Variants in ATRN observed in about 807,000 individuals in gnomAD.
ATRN encodes the protein attractin-2.
In ATRN, 54 loss-of-function variants were observed where a neutral mutation model predicts 178.7. The observed-to-expected ratio is 0.30, with a 90% CI of 0.24 to 0.38. ATRN has a LOEUF of 0.38. ATRN is among the 10% of genes least tolerant of loss of function. ATRN has a pLI of 1.00. For synonymous variants in ATRN, 636 were observed against 663.0 expected, an observed-to-expected ratio of 0.96 and a Z score of 0.63; for missense variants, 1,443 against 1,815.1, an observed-to-expected ratio of 0.79 and a Z score of 3.73.
chr20:3,571,252 A>G (rs1399198588), intron 11 of ATRN, among the ~76,000 whole-genome samples: 1 of 152,104 alleles, frequency 6.6e-6, no homozygotes, highest in Non-Finnish European at 1.5e-5. Flanking sequence ...AGCTTGTGGG[A>G]GTTATTTATA....
chr20:3,615,460 A>G (rs1173969014), intron 24 of ATRN, among the ~76,000 whole-genome samples: 1 of 151,876 alleles, frequency 6.6e-6, no homozygotes, highest in East Asian at 1.9e-4. Flanking sequence ...CTTTATGATG[A>G]AACCCACAAG....
chr20:3,542,819 T>C (rs1472191638), intron 3 of ATRN, among the ~76,000 whole-genome samples: 2 of 131,118 alleles, frequency 1.5e-5, no homozygotes, highest in East Asian at 2.0e-4. Context: ...TTTTTTTTTT[T>C]GTAGAGACGG....
chr20:3,501,401 T>TA (rs2084962742), intron 1 of ATRN, among the ~76,000 whole-genome samples: 1 of 152,214 alleles, frequency 6.6e-6, no homozygotes, highest in East Asian at 1.9e-4. Flanking sequence ...CTGTAAATAC[T>TA]AATTCCCACT....
rs1272903392 is a variant in ATRN at position 3,496,816 on chromosome 20, C to A, written c.410+25299C>A. ...AGTCTAAGTCTCTTTGTAGGTCGCTCAGGACTTGCTTTATGAATCTGGGTG... is the reference window on the plus strand; with the variant it reads ...AGTCTAAGTCTCTTTGTAGGTCGCTAAGGACTTGCTTTATGAATCTGGGTG... On this transcript the variant is annotated intron_variant, in intron 1 of 28. Transcript: ENST00000262919. Among the ~76,000 whole-genome samples the A allele has an allele frequency of 7.3e-5, 11 of 151,000 alleles. No homozygotes were observed. The East Asian group carries it at 2.1e-3, about 29-fold the overall frequency.
At chr20:3,576,672 T>C (rs1302189665) in intron 13 of ATRN, among the ~76,000 whole-genome samples, 187 bp from the exon 14 acceptor site, 2 of 116,790 alleles carry the variant, frequency 1.7e-5, no homozygotes, top group South Asian at 3.5e-4. Flanking sequence ...CTGCAACTTA[T>C]CTATCTATCT....
Position 3,534,214 on chromosome 20 carries a change from G to A in ATRN, c.411-1039G>A, listed in dbSNP as rs185049839. Among the ~76,000 whole-genome samples the A allele has an allele frequency of 1.8e-3, 267 of 152,224 alleles. 2 individuals are homozygous for A. The highest frequency in any genetic ancestry group is 2.8e-3 in the Non-Finnish European group (190 of 68,014). ...ATGAAATGTGTGGATGGTAGGTGGT[G>A]AACAGTGAAGAAATGATAGTTCAAT... On this transcript the variant is annotated intron_variant, in intron 1 of 28. Transcript: ENST00000262919.
chr20:3,563,771 G>A (rs1355498591), intron 10 of ATRN, among the ~76,000 whole-genome samples: 5 of 152,034 alleles, frequency 3.3e-5, no homozygotes, highest in Non-Finnish European at 4.4e-5. Context: ...ACCAGAAGAG[G>A]GCAGTATTTG....
At chr20:3,594,958 G>A (rs1469253311) in intron 20 of ATRN, among the ~76,000 whole-genome samples, 1 of 152,154 alleles carries the variant, frequency 6.6e-6, no homozygotes, top group African/African-American at 2.4e-5. Flanking sequence ...TTTATTTGGC[G>A]TTTGGTTGTC....
intron 12 of ATRN, 57 bp from the exon 13 acceptor site, chr20:3,575,770 C>G: frequency 6.6e-7 from 1 of 1,523,136 alleles, no homozygotes; most frequent in Non-Finnish European, 8.8e-7. Flanking sequence ...TAACTTCGGT[C>G]TCAGATTTTG....
At chr20:3,507,118 A>C (rs1244554462) in intron 1 of ATRN, among the ~76,000 whole-genome samples, 2 of 151,038 alleles carry the variant, frequency 1.3e-5, no homozygotes, top group Non-Finnish European at 2.9e-5. Context: ...TAATAATTGG[A>C]GTTAAAGGCC....
chr20:3,528,551 G>T (rs776118507), intron 1 of ATRN, among the ~76,000 whole-genome samples: 6 of 151,956 alleles, frequency 3.9e-5, no homozygotes, highest in Non-Finnish European at 8.8e-5. Context: ...GAGTACACAT[G>T]GACACAAGGG....
At chr20:3,487,717 ACTTT>A (rs1243867369) in intron 1 of ATRN, among the ~76,000 whole-genome samples, 1 of 152,066 alleles carries the variant, frequency 6.6e-6, no homozygotes, top group Non-Finnish European at 1.5e-5. Flanking sequence ...ACCTGGGGCT[ACTTT>A]CTATGTTAAT....
At chr20:3,511,302 T>G (rs933729444) in intron 1 of ATRN, among the ~76,000 whole-genome samples, 2 of 152,070 alleles carry the variant, frequency 1.3e-5, no homozygotes, top group South Asian at 2.1e-4. Context: ...TAGAAAAGAC[T>G]AATAAAACTG....
chr20:3,505,183 T>G (rs554980402), intron 1 of ATRN, among the ~76,000 whole-genome samples: 9 of 152,304 alleles, frequency 5.9e-5, no homozygotes, highest in Non-Finnish European at 8.8e-5. Context: ...CACCATCCAA[T>G]TGTTTGAGGG....
intron 24 of ATRN, among the ~76,000 whole-genome samples, chr20:3,608,685 G>A (rs980507407): frequency 6.6e-6 from 1 of 152,084 alleles, no homozygotes; most frequent in African/African-American, 2.4e-5. Flanking sequence ...TGCTTTGGTT[G>A]GCTGAGTACA....
intron 22 of ATRN, 44 bp from the exon 23 acceptor site, chr20:3,600,901 GA>G (rs1568756785): frequency 1.3e-6 from 2 of 1,515,514 alleles, no homozygotes; most frequent in Non-Finnish European, 1.8e-6. Context: ...TTAAAATCTA[GA>G]AATTGTTTTA....
intron 28 of ATRN, among the ~76,000 whole-genome samples, chr20:3,646,001 G>C (rs554692507): frequency 6.6e-6 from 1 of 152,258 alleles, no homozygotes; most frequent in African/African-American, 2.4e-5. Context: ...GAGCATAAAG[G>C]GTAGTTGCTA....
intron 1 of ATRN, among the ~76,000 whole-genome samples, chr20:3,478,946 G>A (rs1463514192): frequency 3.8e-5 from 5 of 129,896 alleles, no homozygotes; most frequent in African/African-American, 1.4e-4. Context: ...TTTTTTGAGA[G>A]ACAAGGTCTT....
chr20:3,646,592 GT>G, intron 28 of ATRN, 130 bp from the exon 29 acceptor site: 9 of 1,315,128 alleles, frequency 6.8e-6, no homozygotes, highest in South Asian at 1.7e-5. Flanking sequence ...CTTTTTGGGG[GT>G]TTTTTGTTCT....
Sources: gnomAD v4.1 joint callset for allele counts (sites outside exome capture counted in the v4.1 genomes callset) on GRCh38, gnomAD v4.1.1 for gene constraint, MANE v1.5 for transcripts, NCBI Gene and HGNC (gene_info 2026-07-23, HGNC 2026-07-21) for gene names.